The following LEPR variants were observed in gnomAD, a reference collection of about 807,000 sequenced individuals.
The protein encoded by LEPR is leptin receptor, also known as OB receptor.
Under a neutral mutation model 114.7 loss-of-function variants are expected in LEPR, and 56 were observed. The ratio of observed to expected loss-of-function variants is 0.49; its 90% CI spans 0.39 to 0.61. LEPR has a LOEUF of 0.61. Ranked by LOEUF, LEPR falls within the 20% of genes least tolerant of loss-of-function variation. The pLI, the probability that LEPR is intolerant of heterozygous loss-of-function variation, is 0.00. For synonymous variants in LEPR, 443 were observed against 461.4 expected (o/e 0.96, Z 0.51); for missense variants, 1,202 against 1,352.9 (o/e 0.89, Z 1.75).
At position 65,637,008 on chromosome 1, in the gene LEPR, CTG is replaced by C. The variant is rs756571131; in HGVS notation, c.3495_3496del (p.Ter1166IlefsTer14). On this transcript the variant is annotated frameshift_variant, in exon 20 of 20. Transcript: ENST00000349533. LOFTEE classifies it high-confidence loss of function. ...ATGGAAAACAAGATGTGTGACCTAA[CTG>C]TGTAATTTCACTGAAGAAACCTTCA... The C allele has an allele frequency of 7.4e-6, 12 of 1,613,154 alleles. No individual in the cohort carries two copies. Among genetic ancestry groups the C allele is most frequent in the East Asian group, 4.5e-5 (2 of 44,880 alleles).
intron 19 of LEPR, among the ~76,000 whole-genome samples, chr1:65,630,774 A>G (rs890771881): frequency 2.6e-5 from 4 of 151,882 alleles, no homozygotes; most frequent in South Asian, 2.1e-4. Flanking sequence ...GGATTTTTAT[A>G]TACTATTATT....
At chr1:65,551,167 C>T (rs1438201262) in intron 2 of LEPR, among the ~76,000 whole-genome samples, 1 of 152,026 alleles carries the variant, frequency 6.6e-6, no homozygotes, top group Non-Finnish European at 1.5e-5. Context: ...GGATATTGGC[C>T]TGAAATTTTC....
chr1:65,543,399 C>T (rs568480111), intron 2 of LEPR, among the ~76,000 whole-genome samples: 1 of 151,938 alleles, frequency 6.6e-6, no homozygotes, highest in East Asian at 1.9e-4. Flanking sequence ...AAAATTTTCT[C>T]CTATTCCGTA....
At chr1:65,454,507 GTC>G (rs1197159953) in intron 2 of LEPR, among the ~76,000 whole-genome samples, 4 of 152,064 alleles carry the variant, frequency 2.6e-5, no homozygotes, top group Non-Finnish European at 4.4e-5. Flanking sequence ...GCATTTGCTT[GTC>G]TGTAAAGTAT....
At chr1:65,451,844 A>G (rs1258049357) in intron 2 of LEPR, among the ~76,000 whole-genome samples, 1 of 151,990 alleles carries the variant, frequency 6.6e-6, no homozygotes, top group Non-Finnish European at 1.5e-5. Flanking sequence ...TGGGTATGGC[A>G]TTGAATCTGT....
intron 2 of LEPR, among the ~76,000 whole-genome samples, chr1:65,461,370 T>A (rs1282128154): frequency 2.0e-5 from 3 of 151,990 alleles, no homozygotes; most frequent in Non-Finnish European, 2.9e-5. Context: ...AATACAAACA[T>A]AGGCCTAAGG....
chr1:65,620,042 G>A lies in LEPR; in HGVS notation c.2491+19G>A. Reference sequence around the variant, plus strand: ...ACTCAAGGTAAAAATTATAATTTTAGTTTCCTTTTACACCAATGTGTGTGC... The same window carrying A: ...ACTCAAGGTAAAAATTATAATTTTAATTTCCTTTTACACCAATGTGTGTGC... On this transcript the variant is annotated intron_variant, in intron 17 of 19. Coordinates refer to ENST00000349533, the MANE Select transcript of LEPR (RefSeq NM_002303.6). 3.8e-6 allele frequency: 6 copies of A among 1,578,396 alleles called. No homozygotes were observed. Among genetic ancestry groups the A allele is most frequent in the Non-Finnish European group, 5.2e-6 (6 of 1,149,226 alleles).
At chr1:65,457,170 A>T (rs887510862) in intron 2 of LEPR, among the ~76,000 whole-genome samples, 5 of 152,228 alleles carry the variant, frequency 3.3e-5, no homozygotes, top group African/African-American at 9.6e-5. Flanking sequence ...ATACATAAGC[A>T]TATAGATACA....
At chr1:65,618,498 A>AT (rs999385007) in intron 16 of LEPR, among the ~76,000 whole-genome samples, 68 of 148,024 alleles carry the variant, frequency 4.6e-4, no homozygotes, top group Middle Eastern at 3.5e-3. Flanking sequence ...GCTAATTAAA[A>AT]TTTTTTTTTT....
At chr1:65,617,075 T>C (rs1165681537) in intron 15 of LEPR, among the ~76,000 whole-genome samples, 1 of 152,198 alleles carries the variant, frequency 6.6e-6, no homozygotes, top group South Asian at 2.1e-4. Flanking sequence ...TTCCTAAGTA[T>C]ATATATTCTA....
intron 2 of LEPR, among the ~76,000 whole-genome samples, chr1:65,548,339 G>A (rs774219097): frequency 6.6e-6 from 1 of 152,058 alleles, no homozygotes; most frequent in Non-Finnish European, 1.5e-5. Context: ...TGGTGCAGAG[G>A]TGAGTTCAAT....
chr1:65,568,538 G>T (rs1278741989), intron 3 of LEPR, among the ~76,000 whole-genome samples: 3 of 151,942 alleles, frequency 2.0e-5, no homozygotes, highest in Non-Finnish European at 2.9e-5. Context: ...ATGTGCATGT[G>T]TGTGAATATG....
intron 2 of LEPR, among the ~76,000 whole-genome samples, chr1:65,487,832 T>C (rs1011140763): frequency 1.3e-5 from 2 of 152,080 alleles, no homozygotes; most frequent in Admixed American, 1.3e-4. Flanking sequence ...ACTTCAAGCA[T>C]GTATTATTTC....
chr1:65,587,668 A>G (rs1474353880), intron 5 of LEPR, among the ~76,000 whole-genome samples: 11 of 152,058 alleles, frequency 7.2e-5, no homozygotes, highest in Non-Finnish European at 1.5e-4. Flanking sequence ...TTTTGACACT[A>G]ATATCCCCTA....
chr1:65,622,966 A>G lies in LEPR; in HGVS notation c.2658A>G (p.Gly886=). The G allele has an allele frequency of 6.2e-7, 1 of 1,613,966 alleles. No homozygotes were observed. Among genetic ancestry groups the G allele is most frequent in the Non-Finnish European group, 8.5e-7 (1 of 1,179,930 alleles). ...PNPKNCSWAQ[G]LNFQKPETFE... Reference sequence around the variant, plus strand: ...CCAAGAATTGTTCCTGGGCACAAGGACTTAATTTTCAGAAGGTTGCTTTTT... The same window carrying G: ...CCAAGAATTGTTCCTGGGCACAAGGGCTTAATTTTCAGAAGGTTGCTTTTT... The change falls in exon 19 of 20, where the codon GGA becomes GGG. Residue 886 remains glycine (G), a synonymous_variant. Transcript: ENST00000349533.
chr1:65,469,472 GA>G (rs1223487726), intron 2 of LEPR, among the ~76,000 whole-genome samples: 1 of 152,200 alleles, frequency 6.6e-6, no homozygotes, highest in African/African-American at 2.4e-5. Context: ...GGATGGGCCT[GA>G]GTATTTGGAA....
intron 19 of LEPR, among the ~76,000 whole-genome samples, chr1:65,630,832 T>G (rs187716304): frequency 1.8e-4 from 28 of 152,304 alleles, no homozygotes; most frequent in Admixed American, 6.5e-5. Flanking sequence ...GTTCTGGTTT[T>G]ATGCATATTT....
intron 2 of LEPR, among the ~76,000 whole-genome samples, chr1:65,504,191 A>C (rs1228085630): frequency 3.3e-5 from 5 of 152,204 alleles, no homozygotes; most frequent in Admixed American, 6.5e-5. Context: ...ACAGTCGAGT[A>C]AGTAAACAAA....
intron 2 of LEPR, among the ~76,000 whole-genome samples, chr1:65,498,454 G>A (rs2100514715): frequency 6.6e-6 from 1 of 152,018 alleles, no homozygotes. Context: ...AAAAAAAACT[G>A]TAAAAGAGAG....
Sources: allele counts gnomAD v4.1 joint callset (sites outside exome capture counted in the v4.1 genomes callset), GRCh38; gene constraint gnomAD v4.1.1; transcripts MANE v1.5; gene names NCBI Gene and HGNC (gene_info 2026-07-23, HGNC 2026-07-21).